Variants in POLR3B observed in about 807,000 individuals in gnomAD.
The protein encoded by POLR3B is DNA-directed RNA polymerase III subunit RPC2.
In POLR3B, 96 loss-of-function variants were observed where a neutral mutation model predicts 147.4. The observed-to-expected ratio is 0.65, with a 90% confidence interval of 0.55 to 0.77. The LOEUF (loss-of-function observed/expected upper bound fraction) is 0.77. Ranked by LOEUF, POLR3B falls within the 30% of genes least tolerant of loss-of-function variation. The pLI is 0.00. For synonymous variants in POLR3B, 461 were observed against 485.9 expected, an observed-to-expected ratio of 0.95 and a Z score of 0.67; for missense variants, 1,036 against 1,413.5, an observed-to-expected ratio of 0.73 and a Z score of 4.28.
rs2038646399 is a variant in POLR3B at position 106,504,012 on chromosome 12, G to C, written c.3099-69G>C. ...CTCCAAAGCCTCGTGCTCTCTGCCA[G>C]CATGTGATGCTACCTCTTTGTTTGT... On this transcript the variant is annotated intron_variant, in intron 26 of 27. Coordinates refer to ENST00000228347, the MANE Select transcript of POLR3B (RefSeq NM_018082.6). This position sits in a 1 kb window ranked among gnomAD's most constrained non-coding sequence, Gnocchi z 4.6. The C allele has an allele frequency of 1.4e-6, 2 of 1,423,704 alleles. No individual in the cohort carries two copies. The highest frequency in any genetic ancestry group is 3.3e-5 in the Admixed American group (2 of 59,734). 88.2% of individuals were successfully genotyped at this position (1,423,704 alleles called of 1,614,324 possible). A position where few individuals can be genotyped will look rare whatever the true frequency, so the allele number is the denominator to read the frequency against.
intron 8 of POLR3B, among the ~76,000 whole-genome samples, chr12:106,378,627 G>C (rs1404737954): frequency 6.6e-6 from 1 of 151,730 alleles, no homozygotes; most frequent in Non-Finnish European, 1.5e-5. Context: ...TTTTATGTTA[G>C]CTTATAGAGC....
intron 23 of POLR3B, among the ~76,000 whole-genome samples, chr12:106,484,262 G>A (rs1403335376): frequency 1.3e-5 from 2 of 152,136 alleles, no homozygotes; most frequent in African/African-American, 4.8e-5. Context: ...GGTAAACGAT[G>A]GCACCAATCA....
intron 9 of POLR3B, among the ~76,000 whole-genome samples, chr12:106,386,516 T>C (rs2036840626): frequency 6.6e-6 from 1 of 152,108 alleles, no homozygotes; most frequent in Non-Finnish European, 1.5e-5. Flanking sequence ...ATAATGCATA[T>C]AATCTTCTAT....
intron 4 of POLR3B, among the ~76,000 whole-genome samples, chr12:106,367,904 T>C (rs952905282): frequency 3.9e-5 from 6 of 152,230 alleles, no homozygotes; most frequent in African/African-American, 1.4e-4. Flanking sequence ...TATTGTGGGC[T>C]TATCTAATGG....
intron 11 of POLR3B, among the ~76,000 whole-genome samples, chr12:106,406,656 G>A (rs2037155366): frequency 1.3e-5 from 2 of 152,252 alleles, no homozygotes; most frequent in East Asian, 1.9e-4. Flanking sequence ...CTGGTTAGTG[G>A]TAAGAGTAAG....
intron 25 of POLR3B, 105 bp downstream of exon 25, chr12:106,497,023 T>C (rs1348716819): frequency 4.4e-6 from 5 of 1,139,976 alleles, no homozygotes; most frequent in African/African-American, 3.1e-5. Context: ...CAGGCAAGCT[T>C]GTACAGCCCG....
At chr12:106,451,276 T>A (rs2037791384) in intron 19 of POLR3B, among the ~76,000 whole-genome samples, 1 of 152,026 alleles carries the variant, frequency 6.6e-6, no homozygotes, top group South Asian at 2.1e-4. Context: ...ATATCAGAAC[T>A]CATTAATTTG....
chr12:106,425,185 T>A (rs1593033870), intron 12 of POLR3B, among the ~76,000 whole-genome samples: 1 of 152,214 alleles, frequency 6.6e-6, no homozygotes, highest in African/African-American at 2.4e-5. Context: ...CTTTTCTTTT[T>A]CCCACATTTT....
At chr12:106,452,968 G>C (rs1213392918) in intron 19 of POLR3B, among the ~76,000 whole-genome samples, 1 of 150,996 alleles carries the variant, frequency 6.6e-6, no homozygotes. Flanking sequence ...ATTTCTTTCA[G>C]TAGTAATTGT....
intron 10 of POLR3B, among the ~76,000 whole-genome samples, chr12:106,400,930 G>A (rs1456497378): frequency 6.6e-6 from 1 of 152,128 alleles, no homozygotes; most frequent in Non-Finnish European, 1.5e-5. Flanking sequence ...AAAAGCAAGA[G>A]CAAACACATT....
intron 19 of POLR3B, among the ~76,000 whole-genome samples, chr12:106,448,427 CTTTTTTTTTTTT>C (rs869133588): frequency 2.5e-3 from 125 of 50,608 alleles, no homozygotes; most frequent in Admixed American, 5.2e-3. Context: ...TACGTTATTT[CTTTTTTTTTTTT>C]TTTTTTTTTT....
At chr12:106,461,625 A>G (rs965314793) in intron 22 of POLR3B, among the ~76,000 whole-genome samples, 4 of 152,172 alleles carry the variant, frequency 2.6e-5, no homozygotes, top group African/African-American at 7.2e-5. Flanking sequence ...TGTACCCCCT[A>G]GTCTCTGGCA....
intron 23 of POLR3B, among the ~76,000 whole-genome samples, chr12:106,490,079 T>C (rs1368084806): frequency 6.6e-6 from 1 of 152,210 alleles, no homozygotes; most frequent in East Asian, 1.9e-4. Context: ...GAATTGACTT[T>C]TTTAGGAACA....
At chr12:106,465,922 T>C (rs1235031278) in intron 23 of POLR3B, among the ~76,000 whole-genome samples, 1 of 152,206 alleles carries the variant, frequency 6.6e-6, no homozygotes, top group Non-Finnish European at 1.5e-5. Flanking sequence ...ACAATAAACA[T>C]ACGTGTGCAT....
chr12:106,464,858 T>C (rs143156587), intron 23 of POLR3B, among the ~76,000 whole-genome samples: 140 of 152,342 alleles, frequency 9.2e-4, no homozygotes, highest in African/African-American at 3.2e-3. Context: ...GCCTTAGTTG[T>C]CATTCTGCCA....
intron 10 of POLR3B, among the ~76,000 whole-genome samples, chr12:106,398,118 C>T (rs1358562580): frequency 1.3e-5 from 2 of 152,194 alleles, no homozygotes; most frequent in Non-Finnish European, 2.9e-5. Flanking sequence ...CCTGGAAAAT[C>T]GGGTCACTCC....
chr12:106,505,438 C>A (rs1439115955), intron 27 of POLR3B, among the ~76,000 whole-genome samples: 3 of 152,106 alleles, frequency 2.0e-5, no homozygotes, highest in Non-Finnish European at 4.4e-5. Flanking sequence ...CAGGCTCACA[C>A]CACCACGCCT....
intron 1 of POLR3B, among the ~76,000 whole-genome samples, chr12:106,363,018 G>A (rs1204329494): frequency 6.6e-6 from 1 of 151,964 alleles, no homozygotes; most frequent in Non-Finnish European, 1.5e-5. Context: ...ACTATACCCA[G>A]GGGTCTGCCA....
intron 23 of POLR3B, among the ~76,000 whole-genome samples, chr12:106,483,676 G>A (rs1000740277): frequency 6.6e-6 from 1 of 152,142 alleles, no homozygotes; most frequent in African/African-American, 2.4e-5. Context: ...ATTGTGGCCT[G>A]TGAAGGGAGG....
Sources: gnomAD v4.1 joint callset for allele counts (sites outside exome capture counted in the v4.1 genomes callset) on GRCh38, gnomAD v4.1.1 for gene constraint, Gnocchi (gnomAD v3.1) non-coding constraint, MANE v1.5 for transcripts, NCBI Gene and HGNC (gene_info 2026-07-23, HGNC 2026-07-21) for gene names.